KCNN1: variants seen among roughly 807,000 people sequenced by gnomAD.
KCNN1 encodes small conductance calcium-activated potassium channel protein 1.
KCNN1 carries 20 observed loss-of-function variants against 44.7 expected under a neutral mutation model. The observed-to-expected ratio is 0.45, with a 90% CI of 0.32 to 0.65. KCNN1 has a LOEUF of 0.65. KCNN1 is among the 30% of genes least tolerant of loss of function. The pLI is 0.05. For missense variants in KCNN1, 632 were observed against 785.3 expected (o/e 0.80, Z 2.33); for synonymous variants, 324 against 341.7 (o/e 0.95, Z 0.57).
At chr19:17,997,394 G>C (rs1232447377) in intron 9 of KCNN1, among the ~76,000 whole-genome samples, 1 of 152,114 alleles carries the variant, frequency 6.6e-6, no homozygotes, top group Non-Finnish European at 1.5e-5. Context: ...ACTGCCTGTG[G>C]CTATGTGTGC....
intron 1 of KCNN1, among the ~76,000 whole-genome samples, chr19:17,967,983 C>T (rs1050166536): frequency 3.3e-5 from 5 of 151,326 alleles, no homozygotes; most frequent in African/African-American, 9.7e-5. Flanking sequence ...CAGCGCCTTG[C>T]TGCACTGGCT....
At chr19:17,964,287 A>C (rs115463109), upstream of KCNN1, among the ~76,000 whole-genome samples, 3 of 152,192 alleles carry the variant, frequency 2.0e-5, no homozygotes, top group Non-Finnish European at 1.5e-5. The surrounding 1 kb of genome is among the most constrained non-coding windows in gnomAD (Gnocchi z 4.3). Context: ...GGTGCTGGGG[A>C]TGGAGGTGTA....
chr19:17,956,290 G>A (rs1246380090), intron 2 of KCNN1, among the ~76,000 whole-genome samples: 1 of 152,168 alleles, frequency 6.6e-6, no homozygotes, highest in African/African-American at 2.4e-5. Context: ...TGCCCATGGG[G>A]GTGTGGAGAA....
chr19:17,995,639 G>A (rs1182091206), intron 9 of KCNN1, among the ~76,000 whole-genome samples: 2 of 152,174 alleles, frequency 1.3e-5, no homozygotes, highest in Non-Finnish European at 2.9e-5. Context: ...AGGCTGGAGT[G>A]CAGAGGTGCG....
chr19:17,978,125 TG>T lies in KCNN1; in HGVS notation c.498+2939del, dbSNP rs560356474. On this transcript the variant is annotated intron_variant, in intron 3 of 9. Transcript: ENST00000684775. ...TTTGTGAATTTCATATATGTATACT[TG>T]TTTTTTTTTTTTTTTTTTGAGATGG... is the stretch of plus-strand genomic sequence containing the variant. 5.4e-3 allele frequency among the ~76,000 whole-genome samples: 809 copies of T among 150,844 alleles called. 9 individuals carry two copies. Among genetic ancestry groups the T allele is most frequent in the Non-Finnish European group, 7.7e-3 (524 of 67,650 alleles).
chr19:17,969,671 T>C (rs1186027169), intron 1 of KCNN1, among the ~76,000 whole-genome samples: 1 of 152,172 alleles, frequency 6.6e-6, no homozygotes, highest in Non-Finnish European at 1.5e-5. Flanking sequence ...CCAAATTGCA[T>C]CTTCATTGGT....
intron 6 of KCNN1, 44 bp from the exon 7 acceptor site, chr19:17,989,671 GA>G (rs772611983): frequency 6.2e-7 from 1 of 1,611,486 alleles, no homozygotes; most frequent in South Asian, 1.1e-5. Context: ...GAGCCTTTTG[GA>G]ATTTCGCGCC....
In KCNN1 at chr19:17,998,656, A is replaced by C. The variant is rs2033088555; in HGVS notation, c.*250A>C. 6.7e-6 allele frequency: 3 copies of C among 448,152 alleles called. No individual in the cohort carries two copies. Among genetic ancestry groups the C allele is most frequent in the Non-Finnish European group, 1.2e-5 (3 of 255,412 alleles). 27.8% of individuals were successfully genotyped at this position (448,152 alleles called of 1,614,324 possible). A position where few individuals can be genotyped will look rare whatever the true frequency, so the allele number is the denominator to read the frequency against. ...CTCCCCAGGCCCCCGGTGGGCATGG[A>C]GCAGCCCGGGGAGGGGTCCGTGCTG... On this transcript the variant is annotated 3_prime_UTR_variant, in exon 10 of 10. Transcript: ENST00000684775. This position sits in a 1 kb window ranked among gnomAD's most constrained non-coding sequence, Gnocchi z 5.4.
At chr19:17,989,865 C>T in intron 7 of KCNN1, 22 bp downstream of exon 7, 1 of 1,610,982 alleles carries the variant, frequency 6.2e-7, no homozygotes, top group Non-Finnish European at 8.5e-7. Context: ...ACCTTTCCAG[C>T]TCACGTTTCT....
intron 5 of KCNN1, 87 bp from the exon 6 acceptor site, chr19:17,988,327 TG>T: frequency 9.8e-7 from 1 of 1,020,482 alleles, no homozygotes; most frequent in Non-Finnish European, 1.5e-6. Context: ...GCTCAGAGAA[TG>T]GGGAGGCTGC....
chr19:17,978,925 T>G (rs1204741148), intron 3 of KCNN1, among the ~76,000 whole-genome samples: 1 of 151,138 alleles, frequency 6.6e-6, no homozygotes, highest in Non-Finnish European at 1.5e-5. Flanking sequence ...CCAGGCATGG[T>G]GGTACACATC....
chr19:17,985,813 C>T (rs1387380621), intron 5 of KCNN1, among the ~76,000 whole-genome samples: 8 of 152,234 alleles, frequency 5.3e-5, no homozygotes, highest in Admixed American at 5.2e-4. Flanking sequence ...GGGCAAGGGG[C>T]TTGATGCTGA....
rs71164333 is a variant in KCNN1, at chr19:17,970,289, A to ATTTTTTTTTTTT, written c.-82+3006_-82+3017dup. Among the ~76,000 whole-genome samples, 12 of 56,930 alleles carry ATTTTTTTTTTTT rather than the reference A, an allele frequency of 2.1e-4. 2 individuals are homozygous for ATTTTTTTTTTTT. The highest frequency in any genetic ancestry group is 3.1e-4 in the Non-Finnish European group (10 of 31,890). The allele number at this position is 56,930 out of a possible 152,430, so 37.3% of individuals were successfully genotyped here. On this transcript the variant is annotated intron_variant, in intron 1 of 9. Coordinates refer to ENST00000684775, the MANE Select transcript of KCNN1 (RefSeq NM_001386974.1). ...AGGTCACCTGACCATAGAAGGAATG[A>ATTTTTTTTTTTT]TTTTTTTTTTTTTTTTTTTTTTTTT...
In KCNN1 at chr19:17,960,969, T is replaced by C. The variant is rs867824611; in HGVS notation, c.-82+6288T>C. Among the ~76,000 whole-genome samples, 7 of 152,128 alleles carry C rather than the reference T, an allele frequency of 4.6e-5. 1 individual carries two copies. The South Asian group carries it at 1.5e-3, about 32-fold the overall frequency. Reference sequence around the variant, plus strand: ...GGTGGGCCAAAGCAGGTAGATCACTTGAGGCCAGGAGTTGGAGACCAACCT... The same window carrying C: ...GGTGGGCCAAAGCAGGTAGATCACTCGAGGCCAGGAGTTGGAGACCAACCT... On this transcript the variant is annotated intron_variant, in intron 2 of 10. Coordinates refer to the KCNN1 transcript ENST00000222249.
chr19:17,960,634 AAAAAGAAAAG>A (rs56694978), intron 2 of KCNN1, among the ~76,000 whole-genome samples: 6 of 151,742 alleles, frequency 4.0e-5, no homozygotes, highest in South Asian at 4.2e-4. Context: ...CTGTCTCAAA[AAAAAGAAAAG>A]AAAAGAAAAG....
chr19:17,998,640 C>A lies in KCNN1; in HGVS notation c.*234C>A. On this transcript the variant is annotated 3_prime_UTR_variant, in exon 10 of 10. Transcript: ENST00000684775. The surrounding 1 kb of genome is among the most constrained non-coding windows in gnomAD (Gnocchi z 5.4). Reference sequence around the variant, plus strand: ...ACCTGGTCCCCCGACTCTCCCCAGGCCCCCGGTGGGCATGGAGCAGCCCGG... The same window carrying A: ...ACCTGGTCCCCCGACTCTCCCCAGGACCCCGGTGGGCATGGAGCAGCCCGG... The A allele has an allele frequency of 2.2e-6, 1 of 464,252 alleles. No individual in the cohort carries two copies. The highest frequency in any genetic ancestry group is 3.7e-6 in the Non-Finnish European group (1 of 266,822). The allele number at this position is 464,252 out of a possible 1,614,324, so 28.8% of individuals were successfully genotyped here.
intron 3 of KCNN1, among the ~76,000 whole-genome samples, chr19:17,975,991 G>A (rs977986190): frequency 6.6e-6 from 1 of 152,122 alleles, no homozygotes; most frequent in African/African-American, 2.4e-5. Context: ...ACAGGCATGA[G>A]CCACCATGCC....
intron 4 of KCNN1, among the ~76,000 whole-genome samples, chr19:17,984,349 C>T (rs1269504316): frequency 6.6e-6 from 1 of 152,160 alleles, no homozygotes; most frequent in Non-Finnish European, 1.5e-5. Flanking sequence ...TGGGCTGTGT[C>T]ACCCACTGTG....
chr19:17,975,109 C>T lies in KCNN1; in HGVS notation c.420C>T (p.Phe140=), dbSNP rs376230668. The T allele has an allele frequency of 9.1e-5, 147 of 1,613,496 alleles. 1 individual carries two copies. Among genetic ancestry groups the T allele is most frequent in the Non-Finnish European group, 1.2e-4 (142 of 1,179,620 alleles). The change falls in exon 3 of 10, where the codon TTC becomes TTT. Residue 140 remains phenylalanine (F), a synonymous_variant. Coordinates refer to ENST00000684775, the MANE Select transcript of KCNN1 (RefSeq NM_001386974.1). ...TTTACCAGGAGTCTCTGTACTCATTCGCACTCAAATGCCTCATCAGCCTCT... is the reference window on the plus strand; with the variant it reads ...TTTACCAGGAGTCTCTGTACTCATTTGCACTCAAATGCCTCATCAGCCTCT... ...GVYTKESLYS[F]ALKCLISLST...
Sources: allele counts gnomAD v4.1 joint callset (sites outside exome capture counted in the v4.1 genomes callset), GRCh38; gene constraint gnomAD v4.1.1; non-coding constraint Gnocchi (gnomAD v3.1); transcripts MANE v1.5; gene names NCBI Gene and HGNC (gene_info 2026-07-23, HGNC 2026-07-21).